TRIM67: variants seen among roughly 807,000 people sequenced by gnomAD.
The protein encoded by TRIM67 is tripartite motif containing 67.
A neutral mutation model predicts 71.0 loss-of-function variants in TRIM67; 39 were observed. That is an observed-to-expected ratio of 0.55 (90% CI 0.43 to 0.72). TRIM67 has a LOEUF of 0.72. TRIM67 is among the 30% of genes least tolerant of loss of function. The pLI, the probability that TRIM67 is intolerant of heterozygous loss-of-function variation, is 0.00. For missense variants in TRIM67, 973 were observed against 1,079.2 expected (o/e 0.90, Z 1.38); for synonymous variants, 481 against 473.9 (o/e 1.01, Z -0.19).
chr1:231,215,530 G>T lies in TRIM67; in HGVS notation c.*90G>T. 6.8e-7 allele frequency: 1 copy of T among 1,464,032 alleles called. No homozygotes were observed. The highest frequency in any genetic ancestry group is 9.1e-7 in the Non-Finnish European group (1 of 1,099,158). The allele number at this position is 1,464,032 out of a possible 1,614,324, so 90.7% of individuals were successfully genotyped here. ...CACTAAGCTCAAATAACCCACAAAA[G>T]CAGGATATGCAAATCATGGGTGCAA... On this transcript the variant is annotated 3_prime_UTR_variant, in exon 10 of 10. Transcript: ENST00000366653.
intron 6 of TRIM67, among the ~76,000 whole-genome samples, chr1:231,204,638 G>A (rs1163619047): frequency 3.9e-5 from 6 of 152,152 alleles, no homozygotes; most frequent in Admixed American, 6.5e-5. Context: ...ATTTCACTCC[G>A]TGACGTTCAG....
chr1:231,173,204 C>T (rs950808269), intron 1 of TRIM67, among the ~76,000 whole-genome samples: 5 of 152,040 alleles, frequency 3.3e-5, no homozygotes, highest in African/African-American at 4.8e-5. Context: ...AATAAATAAG[C>T]TGGATAGTGA....
At chr1:231,182,654 A>T (rs114755867) in intron 1 of TRIM67, among the ~76,000 whole-genome samples, 162 of 152,324 alleles carry the variant, frequency 1.1e-3, no homozygotes, top group African/African-American at 3.7e-3. Flanking sequence ...GCTCCTTGGC[A>T]GGTCATGTGA....
Position 231,163,374 on chromosome 1 carries a change from C to T in TRIM67, c.405C>T (p.Pro135=), listed in dbSNP as rs914977566. The change falls in exon 1 of 10, where the codon CCC becomes CCT. Residue 135 remains proline, a synonymous_variant. Coordinates refer to ENST00000366653, the MANE Select transcript of TRIM67 (RefSeq NM_001004342.5). ...TGCTGCCCATGGTGCCCGCACCACCCGGCTCCTCGGCTGCGGCGGCTCGGG... is the reference window on the plus strand; with the variant it reads ...TGCTGCCCATGGTGCCCGCACCACCTGGCTCCTCGGCTGCGGCGGCTCGGG... ...VRVLPMVPAP[P]GSSAAAARGA... is the part of the protein sequence containing the mutation. 25 of 1,535,028 alleles carry T rather than the reference C, an allele frequency of 1.6e-5. No homozygotes were observed. The highest frequency in any genetic ancestry group is 2.0e-5 in the Admixed American group (1 of 50,028).
At position 231,216,041 on chromosome 1, in the gene TRIM67, G is replaced by A. The variant is rs1684005903; in HGVS notation, c.*601G>A. The A allele has an allele frequency of 1.0e-6, 1 of 985,404 alleles. No individual in the cohort carries two copies. The highest frequency in any genetic ancestry group is 1.2e-6 in the Non-Finnish European group (1 of 829,966). 61.0% of individuals were successfully genotyped at this position (985,404 alleles called of 1,614,324 possible). ...CATTAATCATTCATGCTTGACTTTT[G>A]CCTCTCTCACTGAAGTGTTAGAACC... is the stretch of plus-strand genomic sequence containing the variant. On this transcript the variant is annotated 3_prime_UTR_variant, in exon 10 of 10. Transcript: ENST00000366653.
At chr1:231,173,577 A>G (rs1176751283) in intron 1 of TRIM67, among the ~76,000 whole-genome samples, 1 of 152,240 alleles carries the variant, frequency 6.6e-6, no homozygotes, top group Non-Finnish European at 1.5e-5. Context: ...TGGTGTGTTT[A>G]AACGACAGAA....
intron 1 of TRIM67, among the ~76,000 whole-genome samples, chr1:231,176,548 C>T (rs990507530): frequency 6.6e-6 from 1 of 152,186 alleles, no homozygotes; most frequent in African/African-American, 2.4e-5. Context: ...AATATAGTTC[C>T]TGTTCAAACA....
intron 2 of TRIM67, among the ~76,000 whole-genome samples, chr1:231,197,929 C>T (rs1553326300): frequency 6.6e-6 from 1 of 152,132 alleles, no homozygotes; most frequent in Non-Finnish European, 1.5e-5. Context: ...CAGTGATGGA[C>T]ATTAGAAGGT....
At chr1:231,204,376 G>A (rs889592036) in intron 6 of TRIM67, among the ~76,000 whole-genome samples, 1 of 152,150 alleles carries the variant, frequency 6.6e-6, no homozygotes, top group African/African-American at 2.4e-5. Flanking sequence ...GTCTTGGGAG[G>A]TATCATTTCT....
Position 231,201,382 on chromosome 1 carries a change from G to C in TRIM67, c.1399G>C (p.Val467Leu). Residue 467 changes from valine (V) to leucine (L), a missense_variant, in exon 5 of 10, where the codon GTC (valine) becomes CTC (leucine). Transcript: ENST00000366653. Reference protein sequence around the residue: ...LQISDALIKRVQVSQEQWVKG... With the variant: ...LQISDALIKRLQVSQEQWVKG... ...GATCTCAGATGCTCTGATCAAGCGCGTCCAGGTGTCTCAGGAGCAGTGGGT... is the reference window on the plus strand; with the variant it reads ...GATCTCAGATGCTCTGATCAAGCGCCTCCAGGTGTCTCAGGAGCAGTGGGT... The C allele has an allele frequency of 6.2e-7, 1 of 1,613,254 alleles. No individual in the cohort carries two copies. Among genetic ancestry groups the C allele is most frequent in the Non-Finnish European group, 8.5e-7 (1 of 1,179,618 alleles).
In TRIM67 at chr1:231,163,554, C is replaced by G; in HGVS notation, c.585C>G (p.Ala195=). The G allele has an allele frequency of 2.0e-6, 3 of 1,512,204 alleles. No homozygotes were observed. Among genetic ancestry groups the G allele is most frequent in the East Asian group, 2.6e-5 (1 of 37,890 alleles). 93.7% of individuals were successfully genotyped at this position (1,512,204 alleles called of 1,614,324 possible). A position where few individuals can be genotyped will look rare whatever the true frequency, so the allele number is the denominator to read the frequency against. ...AGCGGTACCAGCAGGGCCGCGGGGC[C>G]GTGCCGGGGACGTCTGCAGCCGCGG... ...IVQRYQQGRG[A]VPGTSAAAAV... The change falls in exon 1 of 10, where the codon GCC becomes GCG. Residue 195 remains alanine (A), a synonymous_variant. Transcript: ENST00000366653.
At chr1:231,206,517 ACCT>A (rs1683702409) in intron 6 of TRIM67, 132 bp from the exon 7 acceptor site, 1 of 815,912 alleles carries the variant, frequency 1.2e-6, no homozygotes, top group Admixed American at 3.7e-5. Flanking sequence ...CGATGCTCCC[ACCT>A]CAGCTTCCTG....
chr1:231,163,675 C>T lies in TRIM67; in HGVS notation c.706C>T (p.Leu236Phe). 6.6e-7 allele frequency: 1 copy of T among 1,515,818 alleles called. No homozygotes were observed. The highest frequency in any genetic ancestry group is 8.8e-7 in the Non-Finnish European group (1 of 1,133,582). 93.9% of individuals were successfully genotyped at this position (1,515,818 alleles called of 1,614,324 possible). ...CDVLYCSACQ[L>F]KCHPSRGPFA... ...CGTCCTCTACTGCTCTGCCTGCCAG[C>T]TCAAGTGCCATCCATCCCGGGGACC... Residue 236 changes from leucine (L) to phenylalanine (F), a missense_variant, in exon 1 of 10, where the codon CTC (leucine) becomes TTC (phenylalanine). Transcript: ENST00000366653.
In TRIM67 at chr1:231,216,419, T is replaced by C; in HGVS notation, c.*979T>C. On this transcript the variant is annotated 3_prime_UTR_variant, in exon 10 of 10. Transcript: ENST00000366653. ...GGTCTTCGCCTGGTGATGGCTCCTT[T>C]CTGAAACTGGCAGCCCAAGAAGTTA... 1 of 985,416 alleles carries C rather than the reference T, an allele frequency of 1.0e-6. No individual in the cohort carries two copies. 61.0% of individuals were successfully genotyped at this position (985,416 alleles called of 1,614,324 possible).
At chr1:231,174,152 C>CTTTTTTTTTTTTTTTTTTTTT (rs35651112) in intron 1 of TRIM67, among the ~76,000 whole-genome samples, 13 of 127,348 alleles carry the variant, frequency 1.0e-4, no homozygotes, top group South Asian at 7.6e-4. Flanking sequence ...GTCTTATTTT[C>CTTTTTTTTTTTTTTTTTTTTT]TTTTTTTTTT....
chr1:231,187,619 C>A, intron 1 of TRIM67: 1 of 1,462,284 alleles, frequency 6.8e-7, no homozygotes, highest in Non-Finnish European at 9.2e-7. Flanking sequence ...AGTGAAGCTT[C>A]GATTCCTGTT....
chr1:231,185,166 G>A (rs1683033080), intron 1 of TRIM67: 1 of 1,532,916 alleles, frequency 6.5e-7, no homozygotes, highest in Non-Finnish European at 8.7e-7. Flanking sequence ...CAGCCAGCCT[G>A]TACTCCACGG....
In TRIM67 at chr1:231,163,693, C is replaced by T. The variant is rs188875642; in HGVS notation, c.724C>T (p.Arg242Trp). 2.0e-6 allele frequency: 3 copies of T among 1,509,914 alleles called. No homozygotes were observed. The highest frequency in any genetic ancestry group is 1.5e-5 in the African/African-American group (1 of 68,898). 93.5% of individuals were successfully genotyped at this position (1,509,914 alleles called of 1,614,324 possible). A position where few individuals can be genotyped will look rare whatever the true frequency, so the allele number is the denominator to read the frequency against. ...SACQLKCHPS[R>W]GPFAKHRLVQ... is the part of the protein sequence containing the mutation. ...CTGCCAGCTCAAGTGCCATCCATCC[C>T]GGGGACCCTTCGCCAAGCATCGCCT... The change falls in exon 1 of 10, where the codon CGG becomes TGG. Residue 242 changes from arginine (R) to tryptophan (W), a missense_variant. Around this residue, in one of 2 missense-constraint regions of TRIM67, gnomAD observed 795 missense variants for 831.3 expected, o/e 0.96. Coordinates refer to ENST00000366653, the MANE Select transcript of TRIM67 (RefSeq NM_001004342.5).
chr1:231,164,626 G>A (rs953758063), intron 1 of TRIM67, among the ~76,000 whole-genome samples: 3 of 152,154 alleles, frequency 2.0e-5, no homozygotes, highest in African/African-American at 7.2e-5. Flanking sequence ...CTTGTGGGAA[G>A]GACCCCTAAC....
Sources: gnomAD v4.1 joint callset for allele counts (sites outside exome capture counted in the v4.1 genomes callset) on GRCh38, gnomAD v4.1.1 for gene constraint, gnomAD v4.1.1 regional missense constraint, MANE v1.5 for transcripts, NCBI Gene and HGNC (gene_info 2026-07-23, HGNC 2026-07-21) for gene names.